The following MAF variants were observed in gnomAD, a reference collection of about 807,000 sequenced individuals.
MAF encodes MAF bZIP transcription factor.
In MAF, 10 loss-of-function variants were observed where a neutral mutation model predicts 22.0. The observed-to-expected ratio is 0.45, with a 90% CI of 0.28 to 0.77. MAF has a LOEUF of 0.77. Among genes scored for constraint, MAF ranks in the 30% least tolerant of loss-of-function variants. MAF has a pLI of 0.12. For missense variants in MAF, 544 were observed against 548.4 expected, an observed-to-expected ratio of 0.99 and a Z score of 0.08; for synonymous variants, 337 against 255.8, an observed-to-expected ratio of 1.32 and a Z score of -3.03.
chr16:79,483,702 T>G, the MAF span, among the ~76,000 whole-genome samples: 1 of 152,078 alleles, frequency 6.6e-6, no homozygotes, highest in African/African-American at 2.4e-5. Flanking sequence ...GCTCAAATCA[T>G]GTAGCTCACA....
chr16:79,260,557 T>A, the MAF span, among the ~76,000 whole-genome samples: 2 of 151,942 alleles, frequency 1.3e-5, no homozygotes, highest in African/African-American at 4.8e-5. Context: ...AGCAGGGATT[T>A]CACCATTTTA....
chr16:79,483,217 CCTCCCCTCCCCCTCCCTCCCTCTCTCCT>C, the MAF span, among the ~76,000 whole-genome samples: 10 of 2,530 alleles, frequency 4.0e-3, no homozygotes, highest in African/African-American at 0.018. Flanking sequence ...TCCTTCCCTC[CCTCCCCTCCCCCTCCCTCCCTCTCTCCT>C]CTCCCCTCCC....
At chr16:79,547,916 G>GAC in the MAF span, among the ~76,000 whole-genome samples, 3 of 120,108 alleles carry the variant, frequency 2.5e-5, no homozygotes, top group African/African-American at 5.4e-5. Context: ...GAGAGAGAGA[G>GAC]AGATAGAGAG....
At chr16:79,297,024 G>C in the MAF span, among the ~76,000 whole-genome samples, 2 of 152,306 alleles carry the variant, frequency 1.3e-5, no homozygotes. Context: ...TTGCTGCTCT[G>C]TGGCGACATC....
At chr16:79,356,787 G>A in the MAF span, among the ~76,000 whole-genome samples, 1 of 152,128 alleles carries the variant, frequency 6.6e-6, no homozygotes, top group African/African-American at 2.4e-5. Flanking sequence ...TGGGTCCAAG[G>A]CCACATGCTG....
chr16:79,227,835 AT>A, the MAF span, among the ~76,000 whole-genome samples: 1 of 152,146 alleles, frequency 6.6e-6, no homozygotes, highest in African/African-American at 2.4e-5. Flanking sequence ...CAATGTCAAT[AT>A]AACTGTTGAG....
the MAF span, among the ~76,000 whole-genome samples, chr16:79,538,155 T>C: frequency 4.5e-4 from 68 of 152,242 alleles, no homozygotes; most frequent in Non-Finnish European, 9.1e-4. Context: ...ATGATCACTA[T>C]AGCAGATATT....
At chr16:79,391,315 G>A in the MAF span, among the ~76,000 whole-genome samples, 3 of 152,226 alleles carry the variant, frequency 2.0e-5, no homozygotes, top group African/African-American at 4.8e-5. Flanking sequence ...TGTTCACTTA[G>A]TTTAATATTT....
At chr16:79,282,677 G>A in the MAF span, among the ~76,000 whole-genome samples, 1 of 152,304 alleles carries the variant, frequency 6.6e-6, no homozygotes, top group East Asian at 1.9e-4. Context: ...GTATCAGTTT[G>A]TCATATGATC....
At chr16:79,218,294 C>T in the MAF span, among the ~76,000 whole-genome samples, 3 of 149,164 alleles carry the variant, frequency 2.0e-5, no homozygotes, top group Non-Finnish European at 4.4e-5. Context: ...ATGGCTACCT[C>T]ATATATCACA....
the MAF span, among the ~76,000 whole-genome samples, chr16:79,522,398 C>T: frequency 2.0e-5 from 3 of 152,194 alleles, no homozygotes; most frequent in African/African-American, 7.2e-5. Context: ...CCCCACCACC[C>T]CCAACAGAGC....
chr16:79,496,913 G>A, the MAF span, among the ~76,000 whole-genome samples: 3 of 152,072 alleles, frequency 2.0e-5, no homozygotes, highest in Admixed American at 6.5e-5. Context: ...TACAATTTAA[G>A]GTTCTACACA....
chr16:79,419,679 CG>C, the MAF span, among the ~76,000 whole-genome samples: 1 of 152,124 alleles, frequency 6.6e-6, no homozygotes. Flanking sequence ...TTTCTGGAGC[CG>C]GGGAGATTTT....
At chr16:79,316,524 C>T in the MAF span, among the ~76,000 whole-genome samples, 9 of 152,194 alleles carry the variant, frequency 5.9e-5, no homozygotes, top group Admixed American at 3.9e-4. Flanking sequence ...ATAAATGTTA[C>T]CTTCTTTGAA....
At chr16:79,448,979 T>A in the MAF span, among the ~76,000 whole-genome samples, 1 of 152,192 alleles carries the variant, frequency 6.6e-6, no homozygotes, top group South Asian at 2.1e-4. Context: ...GAAATAATTA[T>A]ACAACTCACC....
chr16:79,217,730 T>G, the MAF span, among the ~76,000 whole-genome samples: 1 of 151,876 alleles, frequency 6.6e-6, no homozygotes, highest in African/African-American at 2.4e-5. Flanking sequence ...CAGTTTCCAC[T>G]TTCACACCTG....
At chr16:79,461,623 G>A in the MAF span, among the ~76,000 whole-genome samples, 1 of 152,186 alleles carries the variant, frequency 6.6e-6, no homozygotes, top group South Asian at 2.1e-4. Context: ...TGATGTGCCT[G>A]GGAGAAGAAC....
At chr16:79,537,744 C>T in the MAF span, among the ~76,000 whole-genome samples, 1 of 152,104 alleles carries the variant, frequency 6.6e-6, no homozygotes, top group African/African-American at 2.4e-5. Context: ...ACCCAGGGGC[C>T]CTGGGTGCCA....
At chr16:79,515,921 C>T in the MAF span, 2 of 151,928 alleles carry the variant, frequency 1.3e-5, no homozygotes, top group East Asian at 3.9e-4. Flanking sequence ...CTTGCTAACC[C>T]ACACTGCACA....
Sources: allele counts gnomAD v4.1 joint callset (sites outside exome capture counted in the v4.1 genomes callset), GRCh38; gene constraint gnomAD v4.1.1; transcripts MANE v1.5; gene names NCBI Gene and HGNC (gene_info 2026-07-23, HGNC 2026-07-21).